PPP3R1: variants seen among roughly 807,000 people sequenced by gnomAD.
PPP3R1 encodes calcineurin subunit B type 1.
Under a neutral mutation model 22.6 loss-of-function variants are expected in PPP3R1, and 5 were observed. That is an observed-to-expected ratio of 0.22 (90% confidence interval 0.12 to 0.46). The LOEUF is 0.46. PPP3R1 is among the 20% of genes least tolerant of loss of function. The probability of loss-of-function intolerance (pLI) is 0.99; values close to 1 mark genes in which losing one functional copy is unlikely to be tolerated. For missense variants in PPP3R1, 61 were observed against 203.2 expected (o/e 0.30, Z 4.25); for synonymous variants, 56 against 65.2 (o/e 0.86, Z 0.68).
chr2:68,241,863 G>A (rs887015535), intron 1 of PPP3R1, among the ~76,000 whole-genome samples: 14 of 135,650 alleles, frequency 1.0e-4, no homozygotes, highest in Non-Finnish European at 1.1e-4. Context: ...AAAAAAAAAA[G>A]ATTACTACCA....
intron 2 of PPP3R1, among the ~76,000 whole-genome samples, chr2:68,190,252 T>G (rs1366595047): frequency 1.2e-5 from 1 of 86,246 alleles, no homozygotes; most frequent in African/African-American, 5.6e-5. Context: ...GGCAAGTTTC[T>G]CTTAAAAAAA....
chr2:68,184,725 A>T (rs1374460326), intron 5 of PPP3R1, among the ~76,000 whole-genome samples: 1 of 152,222 alleles, frequency 6.6e-6, no homozygotes, highest in Admixed American at 6.5e-5. Flanking sequence ...TGGTTTTAAA[A>T]ACACAACGAA....
intron 2 of PPP3R1, among the ~76,000 whole-genome samples, chr2:68,200,931 A>G (rs1260006367): frequency 6.6e-6 from 1 of 152,202 alleles, no homozygotes; most frequent in Non-Finnish European, 1.5e-5. Flanking sequence ...CAATACAGGC[A>G]GTAAGTTAAT....
chr2:68,223,977 T>C (rs1395250918), intron 1 of PPP3R1, among the ~76,000 whole-genome samples: 2 of 152,156 alleles, frequency 1.3e-5, no homozygotes, highest in Admixed American at 1.3e-4. Context: ...ATACAAAAGT[T>C]AAATATATTT....
chr2:68,209,129 C>T (rs1275899774), intron 2 of PPP3R1, among the ~76,000 whole-genome samples: 8 of 149,790 alleles, frequency 5.3e-5, no homozygotes, highest in Admixed American at 5.3e-4. Context: ...GAGGCCGAGG[C>T]GGGCGGATCA....
intron 1 of PPP3R1, among the ~76,000 whole-genome samples, chr2:68,241,660 A>G (rs910579867): frequency 4.6e-5 from 7 of 152,168 alleles, no homozygotes; most frequent in Admixed American, 1.3e-4. Context: ...CTTGACCAAC[A>G]TGGTGAAATA....
chr2:68,183,177 T>C (rs569633121), intron 5 of PPP3R1, among the ~76,000 whole-genome samples: 9 of 152,372 alleles, frequency 5.9e-5, no homozygotes, highest in African/African-American at 4.8e-5. Context: ...AAAAGTGTCT[T>C]TCTACTACCA....
intron 2 of PPP3R1, among the ~76,000 whole-genome samples, chr2:68,202,289 CTA>C (rs1193168043): frequency 1.3e-5 from 2 of 152,228 alleles, no homozygotes; most frequent in African/African-American, 4.8e-5. Context: ...AACGAGATTA[CTA>C]TATGTCATGA....
intron 1 of PPP3R1, among the ~76,000 whole-genome samples, chr2:68,232,205 CATATTG>C (rs1558641365): frequency 6.8e-5 from 2 of 29,382 alleles, no homozygotes; most frequent in African/African-American, 4.0e-4. Flanking sequence ...ATATTATATA[CATATTG>C]TATATGTATA....
rs369652010 is a variant in PPP3R1 at position 68,215,560 on chromosome 2, A to T, written c.43+1532T>A. Among the ~76,000 whole-genome samples, 12 of 152,332 alleles carry T rather than the reference A, an allele frequency of 7.9e-5. No homozygotes were observed. The South Asian group carries it at 1.7e-3, about 21-fold the overall frequency. ...CTTCTACCTTCCAAATCTCACAAGT[A>T]TATCTGTGGCAGAAATAAAGTAACA... is the stretch of plus-strand genomic sequence containing the variant. On this transcript the variant is annotated intron_variant, in intron 2 of 5. Coordinates refer to ENST00000234310, the MANE Select transcript of PPP3R1 (RefSeq NM_000945.4).
intron 1 of PPP3R1, among the ~76,000 whole-genome samples, chr2:68,246,102 T>G (rs868710388): frequency 7.8e-5 from 11 of 140,234 alleles, no homozygotes; most frequent in Middle Eastern, 3.6e-3. Context: ...TGAGACAGAG[T>G]CTTGCTCTGT....
chr2:68,251,674 C>T (rs1670359424), intron 1 of PPP3R1, among the ~76,000 whole-genome samples: 1 of 152,184 alleles, frequency 6.6e-6, no homozygotes, highest in African/African-American at 2.4e-5. Context: ...TGTAAAGTGC[C>T]ATTTGCCACA....
intron 1 of PPP3R1, among the ~76,000 whole-genome samples, chr2:68,231,997 T>C (rs904729030): frequency 7.3e-5 from 11 of 150,938 alleles, no homozygotes; most frequent in Admixed American, 6.6e-4. Context: ...CCGTGGCTCA[T>C]GCCTGTAATC....
intron 1 of PPP3R1, among the ~76,000 whole-genome samples, chr2:68,248,192 C>T (rs1402840588): frequency 6.6e-6 from 1 of 152,110 alleles, no homozygotes; most frequent in Admixed American, 6.6e-5. Context: ...ATGTGGTGTG[C>T]CCTTCCTCAC....
chr2:68,212,760 T>A (rs1669511993), intron 2 of PPP3R1, among the ~76,000 whole-genome samples: 1 of 152,218 alleles, frequency 6.6e-6, no homozygotes, highest in African/African-American at 2.4e-5. Context: ...TTTAGCATAA[T>A]TCTTAAGGTC....
Position 68,180,334 on chromosome 2 carries a change from T to A in PPP3R1, c.*629A>T, listed in dbSNP as rs911761769. 6.6e-6 allele frequency: 1 copy of A among 152,622 alleles called. No homozygotes were observed. Among genetic ancestry groups the A allele is most frequent in the Non-Finnish European group, 1.5e-5 (1 of 68,032 alleles). The allele number at this position is 152,622 out of a possible 1,614,324, so 9.5% of individuals were successfully genotyped here. ...AGTAGTCCCTGGATATATTCATAAG[T>A]ATAAATAAAGTTACAGACTCCTTTG... On this transcript the variant is annotated 3_prime_UTR_variant, in exon 6 of 6. Coordinates refer to ENST00000234310, the MANE Select transcript of PPP3R1 (RefSeq NM_000945.4).
rs564651211 is a variant in PPP3R1 at position 68,217,900 on chromosome 2, G to A, written c.4-769C>T. ...TCAGTGCCTACATTTAACAACTCTT[G>A]AGAACTGGGACCAGGGAGGTCAAAT... On this transcript the variant is annotated intron_variant, in intron 1 of 5. Coordinates refer to ENST00000234310, the MANE Select transcript of PPP3R1 (RefSeq NM_000945.4). 3.3e-5 allele frequency among the ~76,000 whole-genome samples: 5 copies of A among 152,234 alleles called. No individual in the cohort carries two copies. The East Asian group carries it at 5.8e-4, about 18-fold the overall frequency.
chr2:68,250,622 G>A (rs910954362), intron 1 of PPP3R1, among the ~76,000 whole-genome samples: 1 of 152,156 alleles, frequency 6.6e-6, no homozygotes, highest in Non-Finnish European at 1.5e-5. Context: ...ATGATGAATG[G>A]CTATGATCTT....
At chr2:68,238,215 GA>G (rs200527419) in intron 1 of PPP3R1, among the ~76,000 whole-genome samples, 6 of 148,572 alleles carry the variant, frequency 4.0e-5, no homozygotes, top group South Asian at 2.1e-4. Flanking sequence ...TTACAAAGAT[GA>G]AAAAAAAAAT....
Sources: gnomAD v4.1 joint callset for allele counts (sites outside exome capture counted in the v4.1 genomes callset) on GRCh38, gnomAD v4.1.1 for gene constraint, MANE v1.5 for transcripts, NCBI Gene and HGNC (gene_info 2026-07-23, HGNC 2026-07-21) for gene names.